Variants in FOXP1 observed in about 807,000 individuals in gnomAD.
FOXP1 encodes the protein forkhead box P1, also known as forkhead box protein P1.
In FOXP1, 15 loss-of-function variants were observed where a neutral mutation model predicts 98.2. The ratio of observed to expected loss-of-function variants is 0.15; its 90% CI spans 0.10 to 0.24. The LOEUF is 0.24. FOXP1 is among the 10% of genes least tolerant of loss of function. FOXP1 has a pLI of 1.00. For missense variants in FOXP1, 633 were observed against 848.5 expected (o/e 0.75, Z 3.15); for synonymous variants, 371 against 314.5 (o/e 1.18, Z -1.90).
intron 3 of FOXP1, among the ~76,000 whole-genome samples, chr3:71,366,332 T>C (rs1166498150): frequency 6.6e-6 from 1 of 152,086 alleles, no homozygotes; most frequent in Admixed American, 6.6e-5. Flanking sequence ...AGCAAGTAAA[T>C]GATAATCCAG....
chr3:71,383,349 G>A (rs189867505), intron 3 of FOXP1, among the ~76,000 whole-genome samples: 135 of 152,308 alleles, frequency 8.9e-4, no homozygotes, highest in East Asian at 5.0e-3. Context: ...AAGGAAGACT[G>A]CATAACCAAT....
At chr3:71,486,187 T>G (rs9878602) in intron 3 of FOXP1, among the ~76,000 whole-genome samples, 64,202 of 151,906 alleles carry the variant, frequency 0.42, 14,385 homozygotes, top group Non-Finnish European at 0.48. Flanking sequence ...TAACCTTCTC[T>G]CTTCTCAACA....
chr3:71,396,721 A>AC (rs200630527), intron 3 of FOXP1, among the ~76,000 whole-genome samples: 2 of 150,842 alleles, frequency 1.3e-5, no homozygotes, highest in African/African-American at 4.9e-5. Flanking sequence ...TTAAGAAGAC[A>AC]GCAACAGCAG....
At chr3:70,997,053 T>C (rs2041471231) in intron 13 of FOXP1, among the ~76,000 whole-genome samples, 1 of 152,236 alleles carries the variant, frequency 6.6e-6, no homozygotes, top group African/African-American at 2.4e-5. Flanking sequence ...GGTTCAGGTT[T>C]TTCCTGGACT....
chr3:71,393,719 T>A (rs913151838), intron 3 of FOXP1, among the ~76,000 whole-genome samples: 46 of 152,230 alleles, frequency 3.0e-4, no homozygotes, highest in African/African-American at 1.1e-3. Context: ...TCTGAGATAA[T>A]CTTTTGAAAG....
At chr3:71,517,312 T>C (rs1440471569) in intron 2 of FOXP1, among the ~76,000 whole-genome samples, 6 of 152,264 alleles carry the variant, frequency 3.9e-5, no homozygotes, top group Admixed American at 2.6e-4. Context: ...GGCTTTCAAA[T>C]GATGGAAATG....
rs553482257 is a variant in FOXP1, at chr3:71,257,815, T to C, written c.-12+42005A>G. On this transcript the variant is annotated intron_variant, in intron 5 of 20. Coordinates refer to ENST00000649528, the MANE Select transcript of FOXP1 (RefSeq NM_001349338.3). ...AGAAGCATGCAGACCTGTGTGCAAA[T>C]GTCTGCACTTCCACTTACCAGCTAT... Among the ~76,000 whole-genome samples, 154 of 152,274 alleles carry C rather than the reference T, an allele frequency of 1.0e-3. 3 individuals carry two copies. Among genetic ancestry groups the C allele is most frequent in the South Asian group, 1.4e-3 (7 of 4,828 alleles).
chr3:71,450,503 C>T (rs866243003), intron 3 of FOXP1, among the ~76,000 whole-genome samples: 1 of 152,178 alleles, frequency 6.6e-6, no homozygotes, highest in Non-Finnish European at 1.5e-5. Flanking sequence ...TACCAAGCTA[C>T]GAAATAAGTC....
chr3:71,344,574 C>T (rs6799205), intron 4 of FOXP1, among the ~76,000 whole-genome samples: 69,233 of 152,056 alleles, frequency 0.46, 16,518 homozygotes, highest in East Asian at 0.73. Context: ...CTGTGGCTCA[C>T]GCCTGTAATC....
chr3:71,330,748 G>A (rs1444186353), intron 4 of FOXP1, among the ~76,000 whole-genome samples: 2 of 152,196 alleles, frequency 1.3e-5, no homozygotes, highest in Admixed American at 6.5e-5. Flanking sequence ...TTAGTGACAT[G>A]GAAAAATGTG....
At chr3:71,199,901 C>T (rs1318630693) in intron 5 of FOXP1, among the ~76,000 whole-genome samples, 3 of 151,644 alleles carry the variant, frequency 2.0e-5, no homozygotes, top group Non-Finnish European at 4.4e-5. Context: ...TATGGTGAAA[C>T]CCTGCCTCTA....
Position 71,397,082 on chromosome 3 carries a change from ATGTG to A in FOXP1, c.-167-37842_-167-37839del, listed in dbSNP as rs1236885188. Among the ~76,000 whole-genome samples, 30 of 61,994 alleles carry A rather than the reference ATGTG, an allele frequency of 4.8e-4. 2 individuals are homozygous for A. Among genetic ancestry groups the A allele is most frequent in the African/African-American group, 1.7e-3 (24 of 14,022 alleles). 40.7% of individuals were successfully genotyped at this position (61,994 alleles called of 152,430 possible). On this transcript the variant is annotated intron_variant, in intron 3 of 20. Coordinates refer to ENST00000649528, the MANE Select transcript of FOXP1 (RefSeq NM_001349338.3). ...TATGTGTATATATATATACATATAT[ATGTG>A]TATATATATATATACATATATATAT...
chr3:71,029,038 C>A (rs996467178), intron 11 of FOXP1, among the ~76,000 whole-genome samples: 6 of 152,308 alleles, frequency 3.9e-5, no homozygotes, highest in African/African-American at 1.4e-4. Flanking sequence ...CACCTCCTGC[C>A]GTGTGCCCTA....
intron 7 of FOXP1, among the ~76,000 whole-genome samples, chr3:71,057,290 A>ATTTTTTT (rs2050789349): frequency 7.8e-5 from 1 of 12,834 alleles, no homozygotes; most frequent in Non-Finnish European, 5.1e-4. Context: ...TAAAAACGAA[A>ATTTTTTT]CTTTTTTTTT....
intron 3 of FOXP1, among the ~76,000 whole-genome samples, chr3:71,472,926 G>T (rs1277480520): frequency 6.6e-6 from 1 of 152,190 alleles, no homozygotes; most frequent in Non-Finnish European, 1.5e-5. Flanking sequence ...TGATGACACA[G>T]TAAGAGGGAT....
At chr3:71,548,537 T>C (rs888273475) in intron 2 of FOXP1, among the ~76,000 whole-genome samples, 1 of 152,056 alleles carries the variant, frequency 6.6e-6, no homozygotes, top group Non-Finnish European at 1.5e-5. Context: ...TCCCAAGTAC[T>C]ATAGGTGTGA....
At chr3:71,466,449 C>A (rs1232460345) in intron 3 of FOXP1, among the ~76,000 whole-genome samples, 1 of 152,234 alleles carries the variant, frequency 6.6e-6, no homozygotes, top group Non-Finnish European at 1.5e-5. Flanking sequence ...ACATACATTT[C>A]ATTTTGTTCA....
chr3:71,422,229 G>C (rs545526480), intron 3 of FOXP1, among the ~76,000 whole-genome samples: 3 of 152,224 alleles, frequency 2.0e-5, no homozygotes, highest in Non-Finnish European at 4.4e-5. Context: ...CTTCAGAAGA[G>C]AGAAGCATGC....
chr3:71,297,503 A>C (rs1214092220), intron 5 of FOXP1, among the ~76,000 whole-genome samples: 1 of 151,296 alleles, frequency 6.6e-6, no homozygotes, highest in Non-Finnish European at 1.5e-5. Context: ...AAAAAAAAAA[A>C]ACAAAACAAC....
Sources: gnomAD v4.1 joint callset for allele counts (sites outside exome capture counted in the v4.1 genomes callset) on GRCh38, gnomAD v4.1.1 for gene constraint, MANE v1.5 for transcripts, NCBI Gene and HGNC (gene_info 2026-07-23, HGNC 2026-07-21) for gene names.